Variants in DPP10 observed in about 807,000 individuals in gnomAD.
DPP10 encodes inactive dipeptidyl peptidase 10.
In DPP10, 33 loss-of-function variants were observed where a neutral mutation model predicts 120.9. That is an observed-to-expected ratio of 0.27 (90% CI 0.21 to 0.37). The LOEUF (loss-of-function observed/expected upper bound fraction) is 0.37. Ranked by LOEUF, DPP10 falls within the 10% of genes least tolerant of loss-of-function variation. The probability of loss-of-function intolerance (pLI) is 1.00; values close to 1 mark genes in which losing one functional copy is unlikely to be tolerated. For synonymous variants in DPP10, 337 were observed against 326.1 expected (o/e 1.03, Z -0.36); for missense variants, 816 against 942.8 (o/e 0.87, Z 1.76).
intron 1 of DPP10, among the ~76,000 whole-genome samples, chr2:114,707,560 T>A (rs138713836): frequency 6.6e-6 from 1 of 152,314 alleles, no homozygotes; most frequent in East Asian, 1.9e-4. Context: ...ATTGGTTTCA[T>A]GGAAATAACC....
intron 3 of DPP10, among the ~76,000 whole-genome samples, chr2:115,497,325 A>G (rs777731726): frequency 6.6e-6 from 1 of 152,074 alleles, no homozygotes; most frequent in African/African-American, 2.4e-5. Flanking sequence ...ACTAAATTTC[A>G]CCAATGGTTC....
chr2:115,185,230 G>C (rs1309779712), intron 1 of DPP10, among the ~76,000 whole-genome samples: 1 of 120,004 alleles, frequency 8.3e-6, no homozygotes, highest in Non-Finnish European at 1.7e-5. Context: ...TATAGTTAGA[G>C]AAGGTTTTTT....
intron 1 of DPP10, among the ~76,000 whole-genome samples, chr2:114,890,536 A>G (rs1574426104): frequency 6.6e-6 from 1 of 152,246 alleles, no homozygotes; most frequent in East Asian, 1.9e-4. Flanking sequence ...AACCCCCGAT[A>G]TCCCCAAGCC....
chr2:115,590,351 T>C (rs959102956), intron 5 of DPP10, among the ~76,000 whole-genome samples: 3 of 152,052 alleles, frequency 2.0e-5, no homozygotes, highest in African/African-American at 7.2e-5. Flanking sequence ...CAGTGTTTGA[T>C]GTTCCCCACC....
intron 13 of DPP10, among the ~76,000 whole-genome samples, chr2:115,769,198 A>G (rs551418544): frequency 6.6e-6 from 1 of 152,194 alleles, no homozygotes; most frequent in East Asian, 1.9e-4. Context: ...TTTCTAATGA[A>G]AAGTCACTGT....
chr2:115,796,440 C>T (rs1005197130), intron 19 of DPP10, among the ~76,000 whole-genome samples: 16 of 152,094 alleles, frequency 1.1e-4, no homozygotes, highest in African/African-American at 2.9e-4. Flanking sequence ...ATGAATACAT[C>T]AATGAATAAG....
intron 5 of DPP10, among the ~76,000 whole-genome samples, chr2:115,589,476 G>A (rs973787938): frequency 2.0e-5 from 3 of 152,120 alleles, no homozygotes; most frequent in Non-Finnish European, 2.9e-5. Flanking sequence ...TTCTGCTCAA[G>A]TGCCTTCCTA....
chr2:115,146,485 C>A (rs890372290), intron 1 of DPP10, among the ~76,000 whole-genome samples: 16 of 151,628 alleles, frequency 1.1e-4, no homozygotes, highest in African/African-American at 3.1e-4. Flanking sequence ...GAGATTATAT[C>A]TTAAATGTAG....
At chr2:115,813,886 A>T (rs1159886845) in intron 19 of DPP10, among the ~76,000 whole-genome samples, 2 of 152,182 alleles carry the variant, frequency 1.3e-5, no homozygotes, top group Non-Finnish European at 2.9e-5. Flanking sequence ...TTGCCCAACT[A>T]ACAATGGAGA....
chr2:115,595,008 T>C (rs1034404813), intron 5 of DPP10, among the ~76,000 whole-genome samples: 1 of 152,090 alleles, frequency 6.6e-6, no homozygotes, highest in Non-Finnish European at 1.5e-5. Flanking sequence ...ACATACCAAA[T>C]AAGCTGAATA....
intron 25 of DPP10, 109 bp from the exon 26 acceptor site, chr2:115,842,102 G>T: frequency 1.7e-6 from 2 of 1,147,562 alleles, no homozygotes; most frequent in South Asian, 2.5e-5. Context: ...TTTGATTTTG[G>T]TCAGATATTA....
intron 1 of DPP10, among the ~76,000 whole-genome samples, chr2:115,033,661 C>A (rs1338720864): frequency 6.7e-6 from 1 of 148,998 alleles, no homozygotes; most frequent in Non-Finnish European, 1.5e-5. Context: ...TAATTGTATA[C>A]AAAATTTGGC....
intron 4 of DPP10, among the ~76,000 whole-genome samples, chr2:115,514,402 C>CT (rs1250504028): frequency 2.6e-5 from 4 of 151,480 alleles, no homozygotes; most frequent in African/African-American, 7.3e-5. Flanking sequence ...GGTTTTCCTT[C>CT]TTTTTAAATA....
intron 5 of DPP10, among the ~76,000 whole-genome samples, chr2:115,665,834 A>G (rs774491915): frequency 6.6e-6 from 1 of 151,910 alleles, no homozygotes; most frequent in Non-Finnish European, 1.5e-5. Context: ...ATCAGTGGCA[A>G]TTTATATTTC....
At chr2:115,538,692 T>C (rs768754105) in intron 5 of DPP10, among the ~76,000 whole-genome samples, 14 of 152,154 alleles carry the variant, frequency 9.2e-5, no homozygotes, top group Non-Finnish European at 1.9e-4. Flanking sequence ...CAGCTCAGTA[T>C]AAATTCAGGC....
intron 7 of DPP10, among the ~76,000 whole-genome samples, chr2:115,693,671 T>C (rs2091437875): frequency 6.6e-6 from 1 of 152,116 alleles, no homozygotes; most frequent in Non-Finnish European, 1.5e-5. Context: ...TCCTTATTTT[T>C]TAATATATTT....
At chr2:114,862,143 T>C (rs1403103416) in intron 1 of DPP10, among the ~76,000 whole-genome samples, 2 of 152,036 alleles carry the variant, frequency 1.3e-5, no homozygotes, top group Non-Finnish European at 2.9e-5. Context: ...AATATAACAT[T>C]ATTATAGAGG....
At chr2:114,848,285 C>T (rs1411957042) in intron 1 of DPP10, among the ~76,000 whole-genome samples, 1 of 152,090 alleles carries the variant, frequency 6.6e-6, no homozygotes, top group African/African-American at 2.4e-5. Context: ...TGGATTTGCT[C>T]TATACCAGCC....
chr2:114,852,867 T>G (rs532998632), intron 1 of DPP10, among the ~76,000 whole-genome samples: 1 of 152,144 alleles, frequency 6.6e-6, no homozygotes, highest in African/African-American at 2.4e-5. Flanking sequence ...AACTTCAAAG[T>G]TTTGCTTTTC....
Sources: gnomAD v4.1 joint callset for allele counts (sites outside exome capture counted in the v4.1 genomes callset) on GRCh38, gnomAD v4.1.1 for gene constraint, MANE v1.5 for transcripts, NCBI Gene and HGNC (gene_info 2026-07-23, HGNC 2026-07-21) for gene names.